The following ZNF609 variants were observed in gnomAD, a reference collection of about 807,000 sequenced individuals.
ZNF609 encodes the protein zinc finger protein 609.
Under a neutral mutation model 109.5 loss-of-function variants are expected in ZNF609, and 11 were observed. The ratio of observed to expected loss-of-function variants is 0.10; its 90% CI spans 0.06 to 0.17. The LOEUF is 0.17. ZNF609 is among the 10% of genes least tolerant of loss of function. The pLI is 1.00. For missense variants in ZNF609, 1,559 were observed against 1,772.4 expected (o/e 0.88, Z 2.16); for synonymous variants, 646 against 662.0 (o/e 0.98, Z 0.37).
chr15:64,570,818 G>A (rs1790372541), intron 2 of ZNF609, among the ~76,000 whole-genome samples: 1 of 152,112 alleles, frequency 6.6e-6, no homozygotes. Flanking sequence ...CTGAGGTCAG[G>A]AGTTCGAGAC....
chr15:64,620,650 G>GGT (rs1895861784), intron 2 of ZNF609, among the ~76,000 whole-genome samples: 1 of 152,084 alleles, frequency 6.6e-6, no homozygotes, highest in South Asian at 2.1e-4. Flanking sequence ...AAGTACAAGG[G>GGT]GTGTGTGTGT....
chr15:64,627,838 T>C (rs1330252736), intron 3 of ZNF609, among the ~76,000 whole-genome samples: 1 of 151,170 alleles, frequency 6.6e-6, no homozygotes, highest in Non-Finnish European at 1.5e-5. Context: ...CAGCTAATTT[T>C]TTATAGAGAC....
chr15:64,595,503 A>T (rs1441658932), intron 2 of ZNF609, among the ~76,000 whole-genome samples: 1 of 152,166 alleles, frequency 6.6e-6, no homozygotes, highest in Non-Finnish European at 1.5e-5. Context: ...TTGAGCCCGT[A>T]CATCAGGTCA....
chr15:64,554,223 T>G (rs911314795), intron 2 of ZNF609, among the ~76,000 whole-genome samples: 2 of 152,236 alleles, frequency 1.3e-5, no homozygotes, highest in African/African-American at 2.4e-5. Flanking sequence ...TCATAGATTT[T>G]CTTTTTCGGA....
chr15:64,476,574 G>A (rs1054618711), intron 1 of ZNF609, among the ~76,000 whole-genome samples: 13 of 152,190 alleles, frequency 8.5e-5, no homozygotes, highest in Admixed American at 3.3e-4. Context: ...GAAAGGCAAT[G>A]TCTACAGTTG....
At chr15:64,500,702 G>T in intron 2 of ZNF609, 1 of 420,624 alleles carries the variant, frequency 2.4e-6, no homozygotes, top group East Asian at 4.5e-5. Context: ...AGAGCGAAGG[G>T]GCACATTTTG....
At chr15:64,603,892 G>A (rs1473308564) in intron 2 of ZNF609, among the ~76,000 whole-genome samples, 7 of 150,886 alleles carry the variant, frequency 4.6e-5, no homozygotes, top group African/African-American at 7.3e-5. Flanking sequence ...CCAGCTACTC[G>A]GGAGGCTGAG....
chr15:64,468,201 C>T (rs1165791291), intron 1 of ZNF609, among the ~76,000 whole-genome samples: 2 of 149,422 alleles, frequency 1.3e-5, no homozygotes, highest in Non-Finnish European at 3.0e-5. Context: ...TTCCTCCCTC[C>T]CTCCCCTTCC....
intron 2 of ZNF609, among the ~76,000 whole-genome samples, chr15:64,506,490 G>A (rs889041781): frequency 4.0e-5 from 6 of 150,512 alleles, no homozygotes; most frequent in African/African-American, 1.5e-4. Context: ...GGAGGCCAAG[G>A]CGGGTGGATC....
intron 2 of ZNF609, among the ~76,000 whole-genome samples, chr15:64,530,211 TCA>T (rs1894039464): frequency 6.6e-6 from 1 of 152,116 alleles, no homozygotes; most frequent in East Asian, 1.9e-4. Flanking sequence ...AGATGGGGTT[TCA>T]TCATGTTGGC....
intron 1 of ZNF609, among the ~76,000 whole-genome samples, chr15:64,479,184 G>A (rs1377937858): frequency 1.3e-5 from 2 of 148,584 alleles, no homozygotes; most frequent in African/African-American, 4.9e-5. Context: ...CTTTCCATAA[G>A]AAAGAAATTC....
At chr15:64,624,497 G>A (rs934993068) in intron 3 of ZNF609, among the ~76,000 whole-genome samples, 1 of 151,796 alleles carries the variant, frequency 6.6e-6, no homozygotes, top group Admixed American at 6.6e-5. Flanking sequence ...CTGCCTGTTT[G>A]TTCTGCTTGC....
intron 3 of ZNF609, among the ~76,000 whole-genome samples, chr15:64,650,600 A>G (rs1896402783): frequency 6.6e-6 from 1 of 152,196 alleles, no homozygotes; most frequent in Non-Finnish European, 1.5e-5. Context: ...AACAGTACCT[A>G]TACTTTAGCA....
At chr15:64,634,311 G>C (rs1896135395) in intron 3 of ZNF609, among the ~76,000 whole-genome samples, 1 of 152,106 alleles carries the variant, frequency 6.6e-6, no homozygotes, top group Non-Finnish European at 1.5e-5. Flanking sequence ...AATAGGCTAT[G>C]GTTTTGCTTA....
intron 2 of ZNF609, among the ~76,000 whole-genome samples, chr15:64,540,379 A>T (rs1159203057): frequency 6.6e-6 from 1 of 152,052 alleles, no homozygotes; most frequent in East Asian, 1.9e-4. Flanking sequence ...TTTGATACAG[A>T]TAGGTTTTTT....
intron 2 of ZNF609, among the ~76,000 whole-genome samples, chr15:64,521,267 T>A (rs73452271): frequency 0.047 from 7,097 of 152,282 alleles, 558 homozygotes; most frequent in African/African-American, 0.16. Context: ...AACCAGCTCA[T>A]AAACAAGAGC....
At chr15:64,488,591 G>A (rs1198022899) in intron 1 of ZNF609, among the ~76,000 whole-genome samples, 1 of 151,914 alleles carries the variant, frequency 6.6e-6, no homozygotes, top group Non-Finnish European at 1.5e-5. Context: ...CCTTTTTTGT[G>A]GCTAGTCTAA....
At position 64,676,276 on chromosome 15, in the gene ZNF609, G is replaced by A; in HGVS notation, c.3402+20G>A. The A allele has an allele frequency of 6.3e-7, 1 of 1,578,660 alleles. No homozygotes were observed. The highest frequency in any genetic ancestry group is 8.6e-7 in the Non-Finnish European group (1 of 1,163,696). On this transcript the variant is annotated intron_variant, in intron 5 of 9. Transcript: ENST00000326648. ...CGACAGGTAACTGTTGCCCTGGGAG[G>A]AAGTGGAAATACCGTATGGTAATCG...
intron 2 of ZNF609, among the ~76,000 whole-genome samples, chr15:64,605,456 T>C (rs559594103): frequency 6.6e-6 from 1 of 152,192 alleles, no homozygotes; most frequent in Non-Finnish European, 1.5e-5. Context: ...AGATTAACAA[T>C]GTTGCAAGAC....
Sources: allele counts gnomAD v4.1 joint callset (sites outside exome capture counted in the v4.1 genomes callset), GRCh38; gene constraint gnomAD v4.1.1; transcripts MANE v1.5; gene names NCBI Gene and HGNC (gene_info 2026-07-23, HGNC 2026-07-21).